The following LONRF3 variants were observed in gnomAD, a reference collection of about 807,000 sequenced individuals.
LONRF3 encodes LON peptidase N-terminal domain and RING finger protein 3.
Under a neutral mutation model 51.7 loss-of-function variants are expected in LONRF3, and 19 were observed. The observed-to-expected ratio is 0.37, with a 90% CI of 0.26 to 0.54. LONRF3 has a LOEUF of 0.54. Among genes scored for constraint, LONRF3 ranks in the 20% least tolerant of loss-of-function variants. The pLI, the probability that LONRF3 is intolerant of heterozygous loss-of-function variation, is 0.86. For synonymous variants in LONRF3, 265 were observed against 257.8 expected (o/e 1.03, Z -0.27); for missense variants, 521 against 623.9 (o/e 0.84, Z 1.76).
At chrX:118,992,038 TG>T (rs756442979) in intron 5 of LONRF3, among the ~76,000 whole-genome samples, 109 of 112,228 alleles carry the variant, frequency 9.7e-4, no homozygotes, top group African/African-American at 3.3e-3. Flanking sequence ...CAAATGTGTC[TG>T]TTTTCCAAAA....
At chrX:119,002,761 A>AT (rs1229151484) in intron 5 of LONRF3, among the ~76,000 whole-genome samples, 2 of 110,528 alleles carry the variant, frequency 1.8e-5, no homozygotes, top group Non-Finnish European at 3.8e-5. Context: ...TCTTAATGAC[A>AT]TTTTTTGATG....
rs927746720 is a variant in LONRF3, at chrX:119,018,129, G to T, written c.*439G>T. ...AATGGTTCAGGTTTTATAGAGCATT[G>T]TGTAAAATAATGTTCATACTTCTTT... On this transcript the variant is annotated 3_prime_UTR_variant, in exon 11 of 11. Transcript: ENST00000371628. 8.8e-6 allele frequency: 1 copy of T among 113,291 alleles called. No homozygotes were observed. Among genetic ancestry groups the T allele is most frequent in the Non-Finnish European group, 1.9e-5 (1 of 53,978 alleles). 9.3% of individuals were successfully genotyped at this position (113,291 alleles called of 1,213,427 possible). A position where few individuals can be genotyped will look rare whatever the true frequency, so the allele number is the denominator to read the frequency against.
Position 118,974,713 on chromosome X carries a change from C to T in LONRF3, c.-68C>T. On this transcript the variant is annotated 5_prime_UTR_variant, in exon 1 of 11. Transcript: ENST00000371628. ...CGGCGGTGGCTGCCCCGATTTCCTCCAGCTGCCACTCCTTGCTTCGTGTCC... is the reference window on the plus strand; with the variant it reads ...CGGCGGTGGCTGCCCCGATTTCCTCTAGCTGCCACTCCTTGCTTCGTGTCC... The T allele has an allele frequency of 1.0e-6, 1 of 974,928 alleles. No homozygotes were observed. The highest frequency in any genetic ancestry group is 2.4e-5 in the South Asian group (1 of 41,152). 80.3% of individuals were successfully genotyped at this position (974,928 alleles called of 1,213,427 possible). A position where few individuals can be genotyped will look rare whatever the true frequency, so the allele number is the denominator to read the frequency against.
At chrX:119,012,146 G>C in intron 8 of LONRF3, among the ~76,000 whole-genome samples, 173 bp downstream of exon 8, 1 of 110,763 alleles carries the variant, frequency 9.0e-6, no homozygotes, top group Non-Finnish European at 1.9e-5. Flanking sequence ...CATGTGAGAG[G>C]CTGTCTATTT....
intron 10 of LONRF3, among the ~76,000 whole-genome samples, chrX:119,015,607 C>T (rs1925390914): frequency 8.9e-6 from 1 of 111,947 alleles, no homozygotes; most frequent in South Asian, 3.8e-4. Flanking sequence ...CACGATCAAG[C>T]TTAATGTTCC....
intron 3 of LONRF3, among the ~76,000 whole-genome samples, chrX:118,987,639 G>A: frequency 9.2e-6 from 1 of 108,977 alleles, no homozygotes; most frequent in Non-Finnish European, 1.9e-5. Flanking sequence ...TTGGCTCACT[G>A]CCCCTGGGCC....
At position 118,997,048 on chromosome X, in the gene LONRF3, A is replaced by G. The variant is rs138074567; in HGVS notation, c.1415+6488A>G. Among the ~76,000 whole-genome samples, 1,058 of 111,436 alleles carry G rather than the reference A, an allele frequency of 9.5e-3. 18 individuals carry two copies. The East Asian group carries it at 0.13, about 13-fold the overall frequency. On this transcript the variant is annotated intron_variant, in intron 5 of 10. Coordinates refer to ENST00000371628, the MANE Select transcript of LONRF3 (RefSeq NM_001031855.3). The stretch of plus-strand genomic sequence containing the variant: ...GGGTAGAATCAATACTGTGAAAACG[A>G]CCATACTGCCAAAAGCAATCTACAA...
At chrX:119,012,107 GA>G (rs1925152491) in intron 8 of LONRF3, 134 bp downstream of exon 8, 1 of 606,354 alleles carries the variant, frequency 1.6e-6, no homozygotes, top group Non-Finnish European at 2.5e-6. Context: ...CATTTGTAAG[GA>G]TCATTGTCCC....
rs184741374 is a variant in LONRF3 at position 118,996,888 on chromosome X, C to T, written c.1415+6328C>T. ...AGTGAGCAGAGATCACACCACTGCGCTCCAGCCTGGGCGACAGAGCTAGAC... is the reference window on the plus strand; with the variant it reads ...AGTGAGCAGAGATCACACCACTGCGTTCCAGCCTGGGCGACAGAGCTAGAC... On this transcript the variant is annotated intron_variant, in intron 5 of 10. Coordinates refer to ENST00000371628, the MANE Select transcript of LONRF3 (RefSeq NM_001031855.3). 1.6e-4 allele frequency among the ~76,000 whole-genome samples: 17 copies of T among 103,833 alleles called. No homozygotes were observed. The East Asian group carries it at 5.1e-3, about 31-fold the overall frequency. The allele number at this position is 103,833 out of a possible 115,157, so 90.2% of individuals were successfully genotyped here. A position where few individuals can be genotyped will look rare whatever the true frequency, so the allele number is the denominator to read the frequency against.
At chrX:119,003,282 G>A (rs1027126966) in intron 5 of LONRF3, among the ~76,000 whole-genome samples, 2 of 111,077 alleles carry the variant, frequency 1.8e-5, no homozygotes, top group Non-Finnish European at 3.8e-5. Context: ...CAGCACCCCC[G>A]CCTCAAGTAG....
chrX:119,017,543 G>A lies in LONRF3; in HGVS notation c.2133G>A (p.Pro711=), dbSNP rs761225159. 1.1e-5 allele frequency: 13 copies of A among 1,206,954 alleles called. No individual in the cohort carries two copies. The highest frequency in any genetic ancestry group is 8.9e-5 in the East Asian group (3 of 33,652). Residue 711 remains proline (P), a synonymous_variant, in exon 11 of 11, where the codon CCG becomes CCA. Transcript: ENST00000371628. ...PEKDADPQMN[P]NGPAWCWWML... ...GTGTTTCTCTGTTGCAGATGAACCC[G>A]AATGGCCCAGCCTGGTGCTGGTGGA... is the stretch of plus-strand genomic sequence containing the variant.
At chrX:119,016,594 G>A (rs943958598) in intron 10 of LONRF3, among the ~76,000 whole-genome samples, 3 of 111,579 alleles carry the variant, frequency 2.7e-5, no homozygotes, top group African/African-American at 6.5e-5. Context: ...TGATCCACCC[G>A]CTGGCCTCCC....
rs1228311569 is a variant in LONRF3, at chrX:118,974,642, A to T, written c.-139A>T. 2.0e-6 allele frequency: 1 copy of T among 505,325 alleles called. No individual in the cohort carries two copies. The highest frequency in any genetic ancestry group is 3.3e-6 in the Non-Finnish European group (1 of 304,853). The allele number at this position is 505,325 out of a possible 1,213,427, so 41.6% of individuals were successfully genotyped here. The stretch of plus-strand genomic sequence containing the variant: ...TATTAGGCGGCGCGGGGCGGCCGGC[A>T]TGGAGCTCCCGGAGGCGCGGCAGGG... On this transcript the variant is annotated 5_prime_UTR_variant, in exon 1 of 11. It removes an upstream start codon present in the reference 5' UTR. Transcript: ENST00000371628.
Position 118,994,408 on chromosome X carries a change from A to T in LONRF3, c.1415+3848A>T, listed in dbSNP as rs866994530. 5.8e-5 allele frequency among the ~76,000 whole-genome samples: 6 copies of T among 103,349 alleles called. No individual in the cohort carries two copies. The East Asian group carries it at 9.0e-4, about 16-fold the overall frequency. 89.7% of individuals were successfully genotyped at this position (103,349 alleles called of 115,157 possible). A position where few individuals can be genotyped will look rare whatever the true frequency, so the allele number is the denominator to read the frequency against. On this transcript the variant is annotated intron_variant, in intron 5 of 10. Coordinates refer to ENST00000371628, the MANE Select transcript of LONRF3 (RefSeq NM_001031855.3). ...GCTATTTTTATATCAGACAAAACAA[A>T]TTTTTTTTTTTTTGAGACAGAGTCT...
chrX:119,006,861 T>TA (rs1924766684), intron 6 of LONRF3, among the ~76,000 whole-genome samples: 1 of 111,929 alleles, frequency 8.9e-6, no homozygotes. Context: ...GTGCTGGGAT[T>TA]ACAGGCGTGA....
At chrX:118,999,048 T>C (rs1232777750) in intron 5 of LONRF3, among the ~76,000 whole-genome samples, 1 of 112,799 alleles carries the variant, frequency 8.9e-6, no homozygotes, top group Non-Finnish European at 1.9e-5. Context: ...GCACATATGC[T>C]TCTCATATCG....
At chrX:118,985,005 C>G in intron 3 of LONRF3, among the ~76,000 whole-genome samples, 1 of 112,218 alleles carries the variant, frequency 8.9e-6, no homozygotes, top group Non-Finnish European at 1.9e-5. Flanking sequence ...CTTTCTAAGG[C>G]TGAGGCTGAA....
At chrX:118,998,460 A>G (rs774184455) in intron 5 of LONRF3, among the ~76,000 whole-genome samples, 42 of 109,502 alleles carry the variant, frequency 3.8e-4, no homozygotes, top group Admixed American at 7.8e-4. Context: ...ACTTGGGGGG[A>G]AAAGTGGGAA....
intron 5 of LONRF3, among the ~76,000 whole-genome samples, chrX:119,005,656 G>GT (rs1309529392): frequency 1.8e-5 from 2 of 111,952 alleles, no homozygotes; most frequent in Admixed American, 9.5e-5. Flanking sequence ...TTAGCAAACG[G>GT]TTTTTTTCCA....
Sources: allele counts gnomAD v4.1 joint callset (sites outside exome capture counted in the v4.1 genomes callset), GRCh38; gene constraint gnomAD v4.1.1; transcripts MANE v1.5; gene names NCBI Gene and HGNC (gene_info 2026-07-23, HGNC 2026-07-21).